KLF12: variants seen among roughly 807,000 people sequenced by gnomAD.
KLF12 encodes Krueppel-like factor 12.
KLF12 carries 9 observed loss-of-function variants against 37.8 expected under a neutral mutation model. That is an observed-to-expected ratio of 0.24 (90% CI 0.14 to 0.42). The LOEUF (loss-of-function observed/expected upper bound fraction) is 0.42. Among genes scored for constraint, KLF12 ranks in the 10% least tolerant of loss-of-function variants. The pLI, the probability that KLF12 is intolerant of heterozygous loss-of-function variation, is 1.00. For synonymous variants in KLF12, 208 were observed against 202.1 expected, an observed-to-expected ratio of 1.03 and a Z score of -0.25; for missense variants, 411 against 516.0, an observed-to-expected ratio of 0.80 and a Z score of 1.97.
chr13:73,960,855 T>C (rs1164850454), intron 2 of KLF12, among the ~76,000 whole-genome samples: 1 of 152,156 alleles, frequency 6.6e-6, no homozygotes, highest in Non-Finnish European at 1.5e-5. Flanking sequence ...TCCTTGACAA[T>C]AGACAAATGG....
At chr13:74,128,781 G>A (rs867607752) in intron 1 of KLF12, among the ~76,000 whole-genome samples, 28 of 152,050 alleles carry the variant, frequency 1.8e-4, no homozygotes, top group African/African-American at 5.8e-4. Flanking sequence ...ATTTCAAAGT[G>A]AGCACAGTAT....
chr13:74,252,608 A>G, the KLF12 span, among the ~76,000 whole-genome samples: 1 of 152,218 alleles, frequency 6.6e-6, no homozygotes, highest in Non-Finnish European at 1.5e-5. Flanking sequence ...AGATTTAACC[A>G]TTACTTTCTA....
At chr13:74,234,314 T>G in the KLF12 span, among the ~76,000 whole-genome samples, 2 of 152,180 alleles carry the variant, frequency 1.3e-5, no homozygotes, top group African/African-American at 4.8e-5. Context: ...TGGGTAGAAT[T>G]CAAATTTTAG....
chr13:73,738,112 T>TGTGTAA (rs1555299028), intron 6 of KLF12, among the ~76,000 whole-genome samples: 1 of 74,756 alleles, frequency 1.3e-5, no homozygotes, highest in African/African-American at 6.5e-5. Context: ...TATATATATA[T>TGTGTAA]ATATATATAT....
intron 3 of KLF12, among the ~76,000 whole-genome samples, chr13:73,933,042 C>T (rs1889758404): frequency 6.6e-6 from 1 of 152,172 alleles, no homozygotes; most frequent in Non-Finnish European, 1.5e-5. Flanking sequence ...CTGTTACTTA[C>T]TTGTTGTGTG....
At chr13:74,105,956 A>G (rs1247980942) in intron 1 of KLF12, among the ~76,000 whole-genome samples, 1 of 152,180 alleles carries the variant, frequency 6.6e-6, no homozygotes, top group Non-Finnish European at 1.5e-5. Flanking sequence ...TTAAGGTAGC[A>G]ATGACATGGC....
chr13:73,976,426 T>G (rs1467889172), intron 2 of KLF12, among the ~76,000 whole-genome samples: 1 of 152,114 alleles, frequency 6.6e-6, no homozygotes, highest in East Asian at 1.9e-4. Context: ...TCAACAACAA[T>G]CATCAGTATC....
chr13:74,093,933 T>G (rs891925053), intron 1 of KLF12, among the ~76,000 whole-genome samples: 3 of 151,032 alleles, frequency 2.0e-5, no homozygotes, highest in Admixed American at 6.6e-5. Context: ...TTTTCCCAAC[T>G]ATTTCAGAGT....
the KLF12 span, among the ~76,000 whole-genome samples, chr13:74,272,311 T>C: frequency 2.6e-5 from 4 of 152,202 alleles, no homozygotes; most frequent in Non-Finnish European, 5.9e-5. Context: ...CCCCTGATGT[T>C]CCTTTCTTGG....
intron 3 of KLF12, among the ~76,000 whole-genome samples, chr13:73,854,352 G>A (rs1441869468): frequency 6.6e-6 from 1 of 152,106 alleles, no homozygotes; most frequent in Non-Finnish European, 1.5e-5. Flanking sequence ...GCTACCAGAT[G>A]GGCCCTGCTT....
the KLF12 span, among the ~76,000 whole-genome samples, chr13:74,169,748 T>G: frequency 2.0e-5 from 3 of 152,322 alleles, no homozygotes; most frequent in Non-Finnish European, 4.4e-5. Flanking sequence ...TGAGTTATGA[T>G]GCAGAAACAA....
At chr13:73,932,874 ATTC>A (rs1486953825) in intron 3 of KLF12, among the ~76,000 whole-genome samples, 2 of 152,146 alleles carry the variant, frequency 1.3e-5, no homozygotes, top group African/African-American at 2.4e-5. Context: ...TCTATATTAG[ATTC>A]TTCTTACACA....
chr13:73,731,975 A>C (rs1176376177), intron 6 of KLF12, among the ~76,000 whole-genome samples: 1 of 152,226 alleles, frequency 6.6e-6, no homozygotes, highest in Non-Finnish European at 1.5e-5. Flanking sequence ...GGGTTATAAA[A>C]AGAATTAGGG....
intron 1 of KLF12, among the ~76,000 whole-genome samples, chr13:74,004,170 G>A (rs1892354094): frequency 6.6e-6 from 1 of 152,114 alleles, no homozygotes; most frequent in Admixed American, 6.5e-5. Context: ...CATCTTGTGA[G>A]ATACAGGAAA....
chr13:73,848,746 T>C (rs895098658), intron 3 of KLF12, among the ~76,000 whole-genome samples: 5 of 151,906 alleles, frequency 3.3e-5, no homozygotes, highest in Non-Finnish European at 7.4e-5. Context: ...AACCAGAATA[T>C]AGAAAAGGCT....
At chr13:73,873,582 C>T (rs1004106687) in intron 3 of KLF12, among the ~76,000 whole-genome samples, 3 of 152,076 alleles carry the variant, frequency 2.0e-5, no homozygotes, top group Non-Finnish European at 4.4e-5. Flanking sequence ...TTTTATTATT[C>T]TTTCTCTGTG....
In KLF12 at chr13:74,122,220, T is replaced by C. The variant is rs12866096; in HGVS notation, c.-32+11519A>G. Reference sequence around the variant, plus strand: ...GATGGTTAGTGGCTTTAATATAAAATGAATTCCCACAAAAGGACAATAACC... The same window carrying C: ...GATGGTTAGTGGCTTTAATATAAAACGAATTCCCACAAAAGGACAATAACC... On this transcript the variant is annotated intron_variant, in intron 1 of 7. Transcript: ENST00000377669. Among the ~76,000 whole-genome samples the C allele has an allele frequency of 7.7e-3, 1,168 of 152,144 alleles. 12 individuals are homozygous for C. The highest frequency in any genetic ancestry group is 0.013 in the Non-Finnish European group (869 of 67,920).
the KLF12 span, among the ~76,000 whole-genome samples, chr13:74,285,141 A>T: frequency 6.6e-6 from 1 of 151,352 alleles, no homozygotes; most frequent in South Asian, 2.1e-4. Flanking sequence ...CCCTTAGAAC[A>T]CTTAAATAAG....
At chr13:73,879,789 A>G (rs1254370314) in intron 3 of KLF12, among the ~76,000 whole-genome samples, 1 of 152,172 alleles carries the variant, frequency 6.6e-6, no homozygotes, top group African/African-American at 2.4e-5. Flanking sequence ...GACATGGAAC[A>G]CCACGCCCTC....
Sources: gnomAD v4.1 joint callset for allele counts (sites outside exome capture counted in the v4.1 genomes callset) on GRCh38, gnomAD v4.1.1 for gene constraint, MANE v1.5 for transcripts, NCBI Gene and HGNC (gene_info 2026-07-23, HGNC 2026-07-21) for gene names.